Variants in ADGRB1 observed in about 807,000 individuals in gnomAD.
ADGRB1 encodes brain-specific angiogenesis inhibitor 1.
Under a neutral mutation model 175.7 loss-of-function variants are expected in ADGRB1, and 36 were observed. That is an observed-to-expected ratio of 0.20 (90% CI 0.16 to 0.27). The LOEUF (loss-of-function observed/expected upper bound fraction) is 0.27. Ranked by LOEUF, ADGRB1 falls within the 10% of genes least tolerant of loss-of-function variation. ADGRB1 has a pLI of 1.00. For synonymous variants in ADGRB1, 1,054 were observed against 979.4 expected, an observed-to-expected ratio of 1.08 and a Z score of -1.42; for missense variants, 1,731 against 2,255.3, an observed-to-expected ratio of 0.77 and a Z score of 4.71.
chr8:142,533,520 G>A (rs973938642), intron 25 of ADGRB1, 54 bp downstream of exon 25: 30 of 1,520,066 alleles, frequency 2.0e-5, no homozygotes, highest in East Asian at 1.4e-4. Flanking sequence ...TGGGGCTGCC[G>A]AGTGGCCTCC....
At position 142,484,694 on chromosome 8, in the gene ADGRB1, G is replaced by A. The variant is rs2131848561; in HGVS notation, c.2238G>A (p.Glu746=). 6.2e-7 allele frequency: 1 copy of A among 1,612,022 alleles called. No individual in the cohort carries two copies. Among genetic ancestry groups the A allele is most frequent in the East Asian group, 2.2e-5 (1 of 44,834 alleles). The change falls in exon 13 of 31, where the codon GAG becomes GAA. Residue 746 remains glutamate, a synonymous_variant. Transcript: ENST00000517894. ...CCAAGGAGCTGTTCCGGCTGGTGGA[G>A]GACTTTGTGGACGTCATCGGCTTCC... The part of the protein sequence containing the change: ...PNAKELFRLV[E]DFVDVIGFRM...
intron 1 of ADGRB1, among the ~76,000 whole-genome samples, chr8:142,452,204 G>T (rs977291900): frequency 2.0e-5 from 3 of 152,242 alleles, no homozygotes; most frequent in African/African-American, 7.2e-5. Flanking sequence ...CTCGATCTGG[G>T]GGGCAGAAGG....
intron 17 of ADGRB1, among the ~76,000 whole-genome samples, chr8:142,499,418 G>A (rs1478604340): frequency 6.6e-6 from 1 of 152,254 alleles, no homozygotes; most frequent in Admixed American, 6.5e-5. Context: ...CCGCTCAAAA[G>A]AGCGCCACCC....
chr8:142,501,661 T>C (rs1842554886), intron 17 of ADGRB1, among the ~76,000 whole-genome samples: 1 of 125,240 alleles, frequency 8.0e-6, no homozygotes, highest in Non-Finnish European at 1.7e-5. Context: ...GATGGGGTGG[T>C]GGTAGTGATG....
chr8:142,533,230 G>T, intron 24 of ADGRB1, 65 bp from the exon 25 acceptor site: 5 of 1,430,204 alleles, frequency 3.5e-6, no homozygotes, highest in Non-Finnish European at 4.6e-6. Flanking sequence ...GAGATGCAGG[G>T]TTCAGGGCAG....
chr8:142,457,996 C>A (rs1337422906), intron 1 of ADGRB1, among the ~76,000 whole-genome samples: 1 of 152,182 alleles, frequency 6.6e-6, no homozygotes, highest in East Asian at 1.9e-4. Context: ...AGGGCGCCCA[C>A]CCCGCCCCTC....
chr8:142,528,552 T>C (rs7838992), intron 24 of ADGRB1, among the ~76,000 whole-genome samples: 86,915 of 151,806 alleles, frequency 0.57, 26,466 homozygotes, highest in Admixed American at 0.75. Context: ...CAGTCAGCCG[T>C]CCCCGCACCC....
At chr8:142,485,567 T>A (rs564906303) in intron 13 of ADGRB1, among the ~76,000 whole-genome samples, 3 of 152,314 alleles carry the variant, frequency 2.0e-5, no homozygotes, top group Admixed American at 6.5e-5. Flanking sequence ...AGGGAGAGTG[T>A]CACCTCCCCT....
At chr8:142,475,364 G>A (rs1339586239) in intron 2 of ADGRB1, 110 bp from the exon 3 acceptor site, 3 of 1,123,172 alleles carry the variant, frequency 2.7e-6, no homozygotes, top group Middle Eastern at 2.2e-4. Context: ...CGGCACTGCG[G>A]CCCCTCCCCA....
At chr8:142,469,470 T>C (rs577155995) in intron 2 of ADGRB1, among the ~76,000 whole-genome samples, 14 of 145,608 alleles carry the variant, frequency 9.6e-5, no homozygotes, top group African/African-American at 3.6e-4. Context: ...TGTATGCACG[T>C]GCATGTGTGA....
chr8:142,489,189 G>A (rs775909195), intron 15 of ADGRB1, 79 bp downstream of exon 15: 159 of 1,547,104 alleles, frequency 1.0e-4, no homozygotes, highest in Non-Finnish European at 1.4e-4. Context: ...GATGTGAAGG[G>A]GGAGGCCAGG....
At chr8:142,485,246 G>T (rs968809750) in intron 13 of ADGRB1, among the ~76,000 whole-genome samples, 1 of 152,242 alleles carries the variant, frequency 6.6e-6, no homozygotes, top group African/African-American at 2.4e-5. Context: ...AGAGACTGAT[G>T]AGACGAGTGA....
intron 1 of ADGRB1, among the ~76,000 whole-genome samples, chr8:142,453,388 G>C (rs940887807): frequency 7.9e-5 from 12 of 152,310 alleles, no homozygotes; most frequent in Admixed American, 7.2e-4. Context: ...TGCACGGGAT[G>C]GACCCCTGGG....
At position 142,542,103 on chromosome 8, in the gene ADGRB1, G is replaced by T; in HGVS notation, c.3869G>T (p.Gly1290Val). 1 of 1,613,380 alleles carries T rather than the reference G, an allele frequency of 6.2e-7. No homozygotes were observed. Among genetic ancestry groups the T allele is most frequent in the African/African-American group, 1.3e-5 (1 of 75,036 alleles). Residue 1290 changes from glycine to valine, a missense_variant, in exon 28 of 31, where the codon GGC (glycine) becomes GTC (valine). Physicochemically the swap from Gly to Val is moderately radical, Grantham distance 109 (BLOSUM62 -3). Around this residue, in one of 8 missense-constraint regions of ADGRB1, gnomAD observed 394 missense variants for 410.2 expected, o/e 0.96. Coordinates refer to ENST00000517894, the MANE Select transcript of ADGRB1 (RefSeq NM_001702.3). This position sits in a 1 kb window ranked among gnomAD's most constrained non-coding sequence, Gnocchi z 6.3. ...PANVSKLHLH[G>V]SPRYPGGPLP... ...AACGTGTCCAAGCTGCACCTGCACG[G>T]CTCACCCCGCTATCCCGGCGGGCCC...
At chr8:142,525,659 C>T (rs1260087101) in intron 23 of ADGRB1, among the ~76,000 whole-genome samples, 1 of 152,164 alleles carries the variant, frequency 6.6e-6, no homozygotes, top group Non-Finnish European at 1.5e-5. Flanking sequence ...TGGTCATGAG[C>T]CCTGAGCTGG....
At chr8:142,457,720 T>C (rs1839756803) in intron 1 of ADGRB1, among the ~76,000 whole-genome samples, 1 of 152,006 alleles carries the variant, frequency 6.6e-6, no homozygotes, top group African/African-American at 2.4e-5. Flanking sequence ...CATCTGGGGG[T>C]CACCCTGTCG....
intron 1 of ADGRB1, among the ~76,000 whole-genome samples, chr8:142,453,433 C>T (rs949733561): frequency 6.6e-6 from 1 of 152,180 alleles, no homozygotes; most frequent in Admixed American, 6.5e-5. Flanking sequence ...CAGCAAAGAC[C>T]CCGAACCAGG....
intron 1 of ADGRB1, among the ~76,000 whole-genome samples, chr8:142,452,632 C>T (rs1228677309): frequency 6.6e-6 from 1 of 152,222 alleles, no homozygotes. Flanking sequence ...CGTGCTGGGT[C>T]TGCGGCGTCA....
Position 142,474,624 on chromosome 8 carries a change from CAA to C in ADGRB1, c.785-848_785-847del, listed in dbSNP as rs1203716164. On this transcript the variant is annotated intron_variant, in intron 2 of 30. Coordinates refer to ENST00000517894, the MANE Select transcript of ADGRB1 (RefSeq NM_001702.3). This position sits in a 1 kb window ranked among gnomAD's most constrained non-coding sequence, Gnocchi z 5.8. ...AGGACCATGGGCACTCCAAGCAGCC[CAA>C]AGTGTTTTTGGCAGCACGAGGACCC... 6.6e-6 allele frequency among the ~76,000 whole-genome samples: 1 copy of C among 152,132 alleles called. No homozygotes were observed. The highest frequency in any genetic ancestry group is 1.5e-5 in the Non-Finnish European group (1 of 68,010).
Sources: gnomAD v4.1 joint callset for allele counts (sites outside exome capture counted in the v4.1 genomes callset) on GRCh38, gnomAD v4.1.1 for gene constraint, gnomAD v4.1.1 regional missense constraint, Gnocchi (gnomAD v3.1) non-coding constraint, MANE v1.5 for transcripts, NCBI Gene and HGNC (gene_info 2026-07-23, HGNC 2026-07-21) for gene names.